The following RGL1 variants were observed in gnomAD, a reference collection of about 807,000 sequenced individuals.
RGL1 encodes the protein ral guanine nucleotide dissociation stimulator-like 1.
RGL1 carries 24 observed loss-of-function variants against 95.2 expected under a neutral mutation model. The ratio of observed to expected loss-of-function variants is 0.25; its 90% CI spans 0.18 to 0.35. The LOEUF is 0.35. Ranked by LOEUF, RGL1 falls within the 10% of genes least tolerant of loss-of-function variation. RGL1 has a pLI of 1.00. For missense variants in RGL1, 715 were observed against 936.3 expected (o/e 0.76, Z 3.08); for synonymous variants, 329 against 344.9 (o/e 0.95, Z 0.51).
intron 3 of RGL1, among the ~76,000 whole-genome samples, chr1:183,860,938 T>C (rs1424644050): frequency 1.3e-5 from 2 of 152,126 alleles, no homozygotes; most frequent in African/African-American, 2.4e-5. Context: ...AGGCTCACCA[T>C]AGCTTGTATG....
chr1:183,705,483 T>C (rs1572302334), intron 1 of RGL1, among the ~76,000 whole-genome samples: 1 of 152,050 alleles, frequency 6.6e-6, no homozygotes, highest in African/African-American at 2.4e-5. Flanking sequence ...AGGGATAAGG[T>C]ACAGAGGTCA....
chr1:183,835,561 C>T (rs1262381326), intron 2 of RGL1, among the ~76,000 whole-genome samples: 1 of 152,160 alleles, frequency 6.6e-6, no homozygotes, highest in African/African-American at 2.4e-5. Context: ...ACTAAATTTA[C>T]TCATTTAAGA....
In RGL1 at chr1:183,926,177, G is replaced by T; in HGVS notation, c.2192G>T (p.Arg731Leu). Residue 731 changes from arginine to leucine, a missense_variant, in exon 18 of 18, where the codon CGC becomes CTC. By Grantham distance (102) the Arg-to-Leu change is moderately radical. Transcript: ENST00000360851. The stretch of plus-strand genomic sequence containing the variant: ...CAAGTGAACTTTGACTTCATTTTGC[G>T]CAAAAAGAACTCCATGGAAGAACAA... ...NSQVNFDFIL[R>L]KKNSMEEQVK... 6 of 1,613,910 alleles carry T rather than the reference G, an allele frequency of 3.7e-6. No individual in the cohort carries two copies. Among genetic ancestry groups the T allele is most frequent in the Non-Finnish European group, 5.1e-6 (6 of 1,179,930 alleles).
chr1:183,675,666 C>A (rs1232342277), intron 1 of RGL1, among the ~76,000 whole-genome samples: 1 of 152,132 alleles, frequency 6.6e-6, no homozygotes, highest in African/African-American at 2.4e-5. Flanking sequence ...GTATCCCTTA[C>A]AATTTTGAAC....
chr1:183,924,539 G>A (rs1669501028), intron 17 of RGL1, among the ~76,000 whole-genome samples: 3 of 151,988 alleles, frequency 2.0e-5, no homozygotes, highest in Admixed American at 2.0e-4. Flanking sequence ...CGGGTTGATG[G>A]GTGCAGCAAG....
intron 2 of RGL1, among the ~76,000 whole-genome samples, chr1:183,808,598 A>C (rs570987247): frequency 6.6e-6 from 1 of 152,286 alleles, no homozygotes; most frequent in South Asian, 2.1e-4. Flanking sequence ...TTTAGAACTG[A>C]GTGGCTTCCC....
At chr1:183,729,424 T>A (rs868500427) in intron 1 of RGL1, among the ~76,000 whole-genome samples, 2 of 152,116 alleles carry the variant, frequency 1.3e-5, no homozygotes, top group Non-Finnish European at 2.9e-5. Context: ...TCACTACACA[T>A]CCGTTAGAAC....
intron 1 of RGL1, among the ~76,000 whole-genome samples, chr1:183,660,855 G>A (rs1417599478): frequency 6.6e-6 from 1 of 152,110 alleles, no homozygotes; most frequent in Non-Finnish European, 1.5e-5. Context: ...ATAACAAACT[G>A]TCTCTCAGAC....
chr1:183,793,689 C>A (rs1188313529), intron 2 of RGL1, among the ~76,000 whole-genome samples: 1 of 151,788 alleles, frequency 6.6e-6, no homozygotes, highest in African/African-American at 2.4e-5. Flanking sequence ...TGCTCAACAT[C>A]ACTAATCATC....
At chr1:183,741,929 C>A (rs543251595) in intron 1 of RGL1, among the ~76,000 whole-genome samples, 1 of 152,308 alleles carries the variant, frequency 6.6e-6, no homozygotes, top group South Asian at 2.1e-4. Flanking sequence ...AGAATGCATT[C>A]TTACCTCCCA....
At chr1:183,908,915 A>C (rs527886889) in intron 14 of RGL1, among the ~76,000 whole-genome samples, 7 of 152,080 alleles carry the variant, frequency 4.6e-5, no homozygotes, top group African/African-American at 1.7e-4. Context: ...CCCGGGATCT[A>C]TATGTTTTGT....
At chr1:183,895,466 G>A (rs1421340737) in intron 9 of RGL1, among the ~76,000 whole-genome samples, 1 of 152,080 alleles carries the variant, frequency 6.6e-6, no homozygotes, top group Non-Finnish European at 1.5e-5. Context: ...TGGAGGAAGA[G>A]GGAGATTTGG....
At chr1:183,843,770 A>G (rs1024752941) in intron 2 of RGL1, among the ~76,000 whole-genome samples, 8 of 152,148 alleles carry the variant, frequency 5.3e-5, no homozygotes, top group African/African-American at 1.9e-4. Flanking sequence ...AACCACTGAG[A>G]AGCCATTCCT....
intron 1 of RGL1, among the ~76,000 whole-genome samples, chr1:183,638,831 A>G (rs1649719739): frequency 6.6e-6 from 1 of 152,156 alleles, no homozygotes; most frequent in Admixed American, 6.5e-5. Flanking sequence ...GTAGTTCCTT[A>G]TTTTCTGTGA....
intron 1 of RGL1, among the ~76,000 whole-genome samples, chr1:183,729,184 ATGTGTGTG>A (rs61621950): frequency 1.3e-4 from 19 of 150,386 alleles, no homozygotes; most frequent in Non-Finnish European, 2.2e-4. Flanking sequence ...TAAAATATAT[ATGTGTGTG>A]TGTGTGTGTG....
chr1:183,824,568 C>T (rs555884897), intron 2 of RGL1, among the ~76,000 whole-genome samples: 1 of 152,256 alleles, frequency 6.6e-6, no homozygotes, highest in Admixed American at 6.5e-5. Context: ...TATTTTTGCT[C>T]CTAGAATAGC....
chr1:183,659,815 G>A (rs1275075660), intron 1 of RGL1, among the ~76,000 whole-genome samples: 55 of 151,414 alleles, frequency 3.6e-4, no homozygotes, highest in African/African-American at 1.2e-3. Context: ...GAGAAAGGTC[G>A]GGTTACCCAC....
At position 183,834,649 on chromosome 1, in the gene RGL1, T is replaced by C. The variant is rs184022236; in HGVS notation, c.139-12917T>C. ...TTATAGATTTCCTTAGTACCTCATT[T>C]GAGTTCTTGGCACAATGGAGGCTCT... On this transcript the variant is annotated intron_variant, in intron 2 of 17. Coordinates refer to ENST00000360851, the MANE Select transcript of RGL1 (RefSeq NM_001297671.3). Among the ~76,000 whole-genome samples, 87 of 152,274 alleles carry C rather than the reference T, an allele frequency of 5.7e-4. 3 individuals carry two copies. Among genetic ancestry groups the C allele is most frequent in the Non-Finnish European group, 2.9e-5 (2 of 68,010 alleles).
intron 2 of RGL1, among the ~76,000 whole-genome samples, chr1:183,793,676 A>G (rs1038180138): frequency 6.6e-6 from 1 of 152,122 alleles, no homozygotes; most frequent in South Asian, 2.1e-4. Context: ...TATGAAAAAA[A>G]AATGCTCAAC....
Sources: gnomAD v4.1 joint callset for allele counts (sites outside exome capture counted in the v4.1 genomes callset) on GRCh38, gnomAD v4.1.1 for gene constraint, MANE v1.5 for transcripts, NCBI Gene and HGNC (gene_info 2026-07-23, HGNC 2026-07-21) for gene names.